Variants in MICOS10 observed in about 807,000 individuals in gnomAD.
MICOS10 encodes the protein mitochondrial contact site and cristae organizing system subunit 10.
A neutral mutation model predicts 13.4 loss-of-function variants in MICOS10; 5 were observed. The ratio of observed to expected loss-of-function variants is 0.37; its 90% CI spans 0.20 to 0.78. MICOS10 has a LOEUF of 0.78. MICOS10 is among the 30% of genes least tolerant of loss of function. The pLI is 0.47. For missense variants in MICOS10, 101 were observed against 94.6 expected, an observed-to-expected ratio of 1.07 and a Z score of -0.28; for synonymous variants, 35 against 33.6, an observed-to-expected ratio of 1.04 and a Z score of -0.15.
At chr1:19,603,628 G>A (rs1185859668) in intron 1 of MICOS10, among the ~76,000 whole-genome samples, 1 of 152,220 alleles carries the variant, frequency 6.6e-6, no homozygotes, top group African/African-American at 2.4e-5. Context: ...TTGCTCCAAT[G>A]TGAGACCAGA....
intron 1 of MICOS10, among the ~76,000 whole-genome samples, chr1:19,604,987 C>T (rs2094829598): frequency 1.3e-5 from 2 of 152,236 alleles, no homozygotes; most frequent in East Asian, 1.9e-4. Context: ...ATGCCAGGCA[C>T]GGTGCTGAGC....
At chr1:19,610,365 G>A (rs1039351318) in intron 1 of MICOS10, among the ~76,000 whole-genome samples, 26 of 13,396 alleles carry the variant, frequency 1.9e-3, no homozygotes, top group South Asian at 3.3e-3. Context: ...CCCACCCCCC[G>A]GCTTTTTTTT....
intron 3 of MICOS10, among the ~76,000 whole-genome samples, chr1:19,624,894 C>T (rs547900200): frequency 6.6e-6 from 1 of 152,308 alleles, no homozygotes; most frequent in East Asian, 1.9e-4. Flanking sequence ...TAAGGCATAA[C>T]CTTTGTAGCA....
intron 1 of MICOS10, among the ~76,000 whole-genome samples, chr1:19,607,367 G>A (rs962092217): frequency 2.2e-4 from 34 of 152,156 alleles, no homozygotes; most frequent in Non-Finnish European, 3.2e-4. Flanking sequence ...CTAAAATGTG[G>A]CCTGTAACAG....
At chr1:19,608,765 A>G in intron 1 of MICOS10, 1 of 488,806 alleles carries the variant, frequency 2.0e-6, no homozygotes, top group South Asian at 2.3e-5. Flanking sequence ...TTTGAATGGC[A>G]CCATTAAGAA....
At position 19,629,162 on chromosome 1, in the gene MICOS10, A is replaced by G. The variant is rs2094930994; in HGVS notation, c.*2761A>G. 6.6e-6 allele frequency: 1 copy of G among 152,120 alleles called. No individual in the cohort carries two copies. The highest frequency in any genetic ancestry group is 1.5e-5 in the Non-Finnish European group (1 of 68,020). The allele number at this position is 152,120 out of a possible 1,614,324, so 9.4% of individuals were successfully genotyped here. Reference sequence around the variant, plus strand: ...TTGGCAAAGGCACACATTCTGTGTTACTCTTAAGTTTCATTAGAAATTCAA... The same window carrying G: ...TTGGCAAAGGCACACATTCTGTGTTGCTCTTAAGTTTCATTAGAAATTCAA... On this transcript the variant is annotated 3_prime_UTR_variant, in exon 4 of 4. Coordinates refer to ENST00000322753, the MANE Select transcript of MICOS10 (RefSeq NM_001032363.4).
chr1:19,613,353 T>A (rs998527634), intron 1 of MICOS10, among the ~76,000 whole-genome samples: 1 of 152,214 alleles, frequency 6.6e-6, no homozygotes, highest in Non-Finnish European at 1.5e-5. Context: ...TGCTTCCTTA[T>A]TGCTTACAGG....
intron 3 of MICOS10, among the ~76,000 whole-genome samples, chr1:19,625,215 T>C (rs1428104945): frequency 6.6e-6 from 1 of 152,244 alleles, no homozygotes; most frequent in Admixed American, 6.5e-5. Context: ...TTGGTTATTA[T>C]AGATGAGGCC....
At chr1:19,608,427 C>T (rs1434875520) in intron 1 of MICOS10, 6 of 1,279,530 alleles carry the variant, frequency 4.7e-6, no homozygotes, top group Non-Finnish European at 6.9e-6. Flanking sequence ...GGAAATAGGA[C>T]CAAGACCCTT....
chr1:19,620,865 C>A lies in MICOS10; in HGVS notation c.65-1235C>A, dbSNP rs563853465. 2.0e-5 allele frequency among the ~76,000 whole-genome samples: 3 copies of A among 152,304 alleles called. No individual in the cohort carries two copies. The South Asian group carries it at 6.2e-4, about 32-fold the overall frequency. On this transcript the variant is annotated intron_variant, in intron 1 of 3. Transcript: ENST00000322753. Reference sequence around the variant, plus strand: ...TCTCCTTGGGGGAAAATAGAAGAGACAGGCATGGAGTCAGAGGGACAAGAA... The same window carrying A: ...TCTCCTTGGGGGAAAATAGAAGAGAAAGGCATGGAGTCAGAGGGACAAGAA...
In MICOS10 at chr1:19,628,812, C is replaced by T. The variant is rs1019763197; in HGVS notation, c.*2411C>T. On this transcript the variant is annotated 3_prime_UTR_variant, in exon 4 of 4. Transcript: ENST00000322753. ...AAAACACAAGGTAGCCACAAATTCC[C>T]TAGACACATTAGAAAAATAGGGAGT... 1 of 152,090 alleles carries T rather than the reference C, an allele frequency of 6.6e-6. No homozygotes were observed. The highest frequency in any genetic ancestry group is 1.5e-5 in the Non-Finnish European group (1 of 68,048). The allele number at this position is 152,090 out of a possible 1,614,324, so 9.4% of individuals were successfully genotyped here.
intron 1 of MICOS10, among the ~76,000 whole-genome samples, chr1:19,607,389 A>G (rs1160785074): frequency 1.3e-5 from 2 of 152,204 alleles, no homozygotes. Context: ...TTATTAGTAA[A>G]TATGCTGAAT....
At chr1:19,621,478 C>T (rs1251578348) in intron 1 of MICOS10, among the ~76,000 whole-genome samples, 2 of 152,114 alleles carry the variant, frequency 1.3e-5, no homozygotes, top group African/African-American at 2.4e-5. Flanking sequence ...CTGGACATGG[C>T]AGGTACAGTA....
Position 19,610,283 on chromosome 1 carries a change from G to GA in MICOS10, c.65-11811dup, listed in dbSNP as rs1309426346. Among the ~76,000 whole-genome samples, 8 of 140,406 alleles carry GA rather than the reference G, an allele frequency of 5.7e-5. 1 individual carries two copies. The highest frequency in any genetic ancestry group is 1.5e-4 in the African/African-American group (6 of 39,400). The allele number at this position is 140,406 out of a possible 152,430, so 92.1% of individuals were successfully genotyped here. A position where few individuals can be genotyped will look rare whatever the true frequency, so the allele number is the denominator to read the frequency against. On this transcript the variant is annotated intron_variant, in intron 1 of 3. Coordinates refer to ENST00000322753, the MANE Select transcript of MICOS10 (RefSeq NM_001032363.4). ...AGAAAGGATAAATGAGTACAAATCAGAAAAAATGTTGGAGGCTCTAGATAA... is the reference window on the plus strand; with the variant it reads ...AGAAAGGATAAATGAGTACAAATCAGAAAAAAATGTTGGAGGCTCTAGATAA...
At chr1:19,613,337 G>A (rs1430285106) in intron 1 of MICOS10, among the ~76,000 whole-genome samples, 1 of 152,152 alleles carries the variant, frequency 6.6e-6, no homozygotes, top group Admixed American at 6.5e-5. Context: ...ACTTAATTCC[G>A]TCTGTTGCTT....
chr1:19,603,425 A>C lies in MICOS10; in HGVS notation c.64+6316A>C, dbSNP rs566080160. Reference sequence around the variant, plus strand: ...TTCTTGAATGCCGAAGGCTTGCACCAGCAGGCTGTGGACCTTTTGACCAAG... The same window carrying C: ...TTCTTGAATGCCGAAGGCTTGCACCCGCAGGCTGTGGACCTTTTGACCAAG... On this transcript the variant is annotated intron_variant, in intron 1 of 3. Coordinates refer to ENST00000322753, the MANE Select transcript of MICOS10 (RefSeq NM_001032363.4). Among the ~76,000 whole-genome samples the C allele has an allele frequency of 6.6e-5, 10 of 152,384 alleles. No individual in the cohort carries two copies. The South Asian group carries it at 1.9e-3, about 28-fold the overall frequency.
At chr1:19,625,396 T>G (rs986212873) in intron 3 of MICOS10, 1 of 1,289,104 alleles carries the variant, frequency 7.8e-7, no homozygotes, top group South Asian at 1.2e-5. Flanking sequence ...TTTTAGAACC[T>G]GCTGAAACCG....
chr1:19,622,522 A>T (rs2094907418), intron 2 of MICOS10, among the ~76,000 whole-genome samples: 1 of 152,226 alleles, frequency 6.6e-6, no homozygotes, highest in Admixed American at 6.5e-5. Flanking sequence ...TAATAGAAAC[A>T]AGTAGACCAG....
intron 1 of MICOS10, chr1:19,607,989 A>G (rs1388509161): frequency 1.6e-6 from 1 of 618,122 alleles, no homozygotes; most frequent in Non-Finnish European, 2.9e-6. Context: ...TGCTAAAACG[A>G]CTAGGTTTCC....
Sources: gnomAD v4.1 joint callset for allele counts (sites outside exome capture counted in the v4.1 genomes callset) on GRCh38, gnomAD v4.1.1 for gene constraint, MANE v1.5 for transcripts, NCBI Gene and HGNC (gene_info 2026-07-23, HGNC 2026-07-21) for gene names.